Variants in B3GALT1 observed in about 807,000 individuals in gnomAD.
B3GALT1 encodes UDP-Gal:betaGlcNAc beta 1,3-galactosyltransferase, polypeptide 1.
A neutral mutation model predicts 23.2 loss-of-function variants in B3GALT1; 10 were observed. The ratio of observed to expected loss-of-function variants is 0.43; its 90% CI spans 0.27 to 0.73. The LOEUF (loss-of-function observed/expected upper bound fraction) is 0.73, where lower values mean the gene tolerates loss of function less well. Among genes scored for constraint, B3GALT1 ranks in the 30% least tolerant of loss-of-function variants. The pLI, the probability that B3GALT1 is intolerant of heterozygous loss-of-function variation, is 0.21. For missense variants in B3GALT1, 299 were observed against 405.4 expected, an observed-to-expected ratio of 0.74 and a Z score of 2.25; for synonymous variants, 156 against 141.5, an observed-to-expected ratio of 1.10 and a Z score of -0.73.
intron 1 of B3GALT1, among the ~76,000 whole-genome samples, chr2:167,461,825 G>C (rs578218265): frequency 1.3e-5 from 2 of 152,060 alleles, no homozygotes; most frequent in Non-Finnish European, 2.9e-5. Flanking sequence ...TATATGTAAT[G>C]TAGAGAATAT....
chr2:167,517,309 A>T (rs1006783618), intron 2 of B3GALT1, among the ~76,000 whole-genome samples: 3 of 151,884 alleles, frequency 2.0e-5, no homozygotes, highest in African/African-American at 7.2e-5. Context: ...CAGCAACCTC[A>T]GGTCAAGTAC....
At chr2:167,835,789 G>T (rs894757454) in intron 4 of B3GALT1, among the ~76,000 whole-genome samples, 4 of 152,210 alleles carry the variant, frequency 2.6e-5, no homozygotes, top group Non-Finnish European at 5.9e-5. Flanking sequence ...AGTAGGGGCA[G>T]ACTGACACCT....
At chr2:167,566,872 C>A (rs1684182213) in intron 2 of B3GALT1, among the ~76,000 whole-genome samples, 1 of 152,206 alleles carries the variant, frequency 6.6e-6, no homozygotes, top group Non-Finnish European at 1.5e-5. Flanking sequence ...TTGGTCTCTC[C>A]CCTTAACATG....
chr2:167,854,433 T>C (rs6745163), intron 4 of B3GALT1, among the ~76,000 whole-genome samples: 2,038 of 152,288 alleles, frequency 0.013, 40 homozygotes, highest in African/African-American at 0.046. Flanking sequence ...TCTTTGGACT[T>C]GTTTTAGTGG....
intron 1 of B3GALT1, among the ~76,000 whole-genome samples, chr2:167,481,581 C>G (rs748759662): frequency 1.3e-5 from 2 of 152,180 alleles, no homozygotes; most frequent in Non-Finnish European, 2.9e-5. Flanking sequence ...AAACATGATT[C>G]ATTTATATAT....
intron 3 of B3GALT1, chr2:167,715,284 C>T: frequency 3.7e-6 from 6 of 1,613,948 alleles, no homozygotes; most frequent in Non-Finnish European, 5.1e-6. Context: ...ATGTGATTTT[C>T]TTTATCATTC....
At chr2:167,564,270 C>T (rs1426072766) in intron 2 of B3GALT1, among the ~76,000 whole-genome samples, 2 of 151,520 alleles carry the variant, frequency 1.3e-5, no homozygotes, top group Admixed American at 1.3e-4. Flanking sequence ...CGATGGGCGG[C>T]CGGGCAGAGA....
intron 2 of B3GALT1, among the ~76,000 whole-genome samples, chr2:167,581,656 T>C (rs1023929168): frequency 9.9e-5 from 15 of 152,128 alleles, no homozygotes; most frequent in Non-Finnish European, 1.9e-4. Context: ...AAATCATAAA[T>C]AACAAAGTAA....
intron 2 of B3GALT1, among the ~76,000 whole-genome samples, chr2:167,590,559 A>G (rs1193508485): frequency 6.6e-6 from 1 of 152,126 alleles, no homozygotes; most frequent in Non-Finnish European, 1.5e-5. Context: ...AAGAAATAAC[A>G]TGAAGAAATA....
At chr2:167,793,591 G>C (rs954705956) in intron 3 of B3GALT1, among the ~76,000 whole-genome samples, 1 of 150,746 alleles carries the variant, frequency 6.6e-6, no homozygotes, top group Non-Finnish European at 1.5e-5. Flanking sequence ...GGTGCATGGA[G>C]GAAAAGGAAA....
rs148484145 is a variant in B3GALT1, at chr2:167,349,824, T to TA, written c.-511+56493dup. ...GGGGATTGCTGCACTTAGTATTCCA[T>TA]AAAGACGTAGTGTGTATCTTCTCCC... On this transcript the variant is annotated intron_variant, in intron 1 of 4. Transcript: ENST00000392690. 5.8e-3 allele frequency among the ~76,000 whole-genome samples: 884 copies of TA among 152,292 alleles called. 5 individuals are homozygous for TA. Among genetic ancestry groups the TA allele is most frequent in the African/African-American group, 0.018 (733 of 41,560 alleles).
chr2:167,759,027 T>C (rs760361507), intron 3 of B3GALT1, among the ~76,000 whole-genome samples: 7 of 152,212 alleles, frequency 4.6e-5, no homozygotes, highest in Non-Finnish European at 8.8e-5. Context: ...TGTTGGGGGC[T>C]GGCCCTTTGC....
chr2:167,324,925 A>G (rs1029413827), intron 1 of B3GALT1, among the ~76,000 whole-genome samples: 1 of 151,954 alleles, frequency 6.6e-6, no homozygotes, highest in African/African-American at 2.4e-5. Context: ...CTCCACCTCT[A>G]CGTGGTCTAC....
At chr2:167,858,094 G>A (rs1385026507) in intron 4 of B3GALT1, among the ~76,000 whole-genome samples, 1 of 152,044 alleles carries the variant, frequency 6.6e-6, no homozygotes, top group African/African-American at 2.4e-5. Context: ...TATTCGGAAG[G>A]CTATTTAAAT....
At chr2:167,412,432 A>G (rs1157000087) in intron 1 of B3GALT1, among the ~76,000 whole-genome samples, 1 of 152,190 alleles carries the variant, frequency 6.6e-6, no homozygotes, top group Non-Finnish European at 1.5e-5. Flanking sequence ...TCAAATAGAG[A>G]AATGAGCAAA....
intron 1 of B3GALT1, among the ~76,000 whole-genome samples, chr2:167,478,435 G>A (rs892727577): frequency 6.6e-6 from 1 of 152,084 alleles, no homozygotes; most frequent in South Asian, 2.1e-4. Flanking sequence ...GGCTGGACTC[G>A]GTAATCCATG....
At position 167,870,080 on chromosome 2, in the gene B3GALT1, TGGTATTTTCCA is replaced by T; in HGVS notation, c.*64_*74del. The T allele has an allele frequency of 2.7e-6, 4 of 1,482,818 alleles. No individual in the cohort carries two copies. The highest frequency in any genetic ancestry group is 1.4e-5 in the African/African-American group (1 of 71,246). The allele number at this position is 1,482,818 out of a possible 1,614,324, so 91.9% of individuals were successfully genotyped here. A position where few individuals can be genotyped will look rare whatever the true frequency, so the allele number is the denominator to read the frequency against. On this transcript the variant is annotated 3_prime_UTR_variant, in exon 5 of 5. Transcript: ENST00000392690. ...TTTTAAGAAATGGGACCTAAGGTGTTGGTATTTTCCAGGTGTCGGGGGAAATGAACTGGTGA... is the reference window on the plus strand; with the variant it reads ...TTTTAAGAAATGGGACCTAAGGTGTTGGTGTCGGGGGAAATGAACTGGTGA...
intron 3 of B3GALT1, among the ~76,000 whole-genome samples, chr2:167,806,362 T>A (rs1165662789): frequency 3.9e-5 from 6 of 152,214 alleles, no homozygotes; most frequent in Non-Finnish European, 7.3e-5. Flanking sequence ...CTTCCAACAC[T>A]ATGTTGAATA....
chr2:167,599,263 T>C (rs903988155), intron 2 of B3GALT1, among the ~76,000 whole-genome samples: 2 of 152,224 alleles, frequency 1.3e-5, no homozygotes, highest in Non-Finnish European at 2.9e-5. Context: ...GATTTCATTC[T>C]TTTTTATTAT....
Sources: gnomAD v4.1 joint callset for allele counts (sites outside exome capture counted in the v4.1 genomes callset) on GRCh38, gnomAD v4.1.1 for gene constraint, MANE v1.5 for transcripts, NCBI Gene and HGNC (gene_info 2026-07-23, HGNC 2026-07-21) for gene names.